The following ACP4 variants were observed in gnomAD, a reference collection of about 807,000 sequenced individuals.
ACP4 encodes the protein acid phosphatase 4.
In ACP4, 49 loss-of-function variants were observed where a neutral mutation model predicts 47.3. The ratio of observed to expected loss-of-function variants is 1.04; its 90% CI spans 0.82 to 1.32. The LOEUF (loss-of-function observed/expected upper bound fraction) is 1.32. Ranked by LOEUF, ACP4 falls within the 40% of genes most tolerant of loss-of-function variation. The pLI, the probability that ACP4 is intolerant of heterozygous loss-of-function variation, is 0.00. For missense variants in ACP4, 594 were observed against 579.3 expected (o/e 1.03, Z -0.26); for synonymous variants, 299 against 265.3 (o/e 1.13, Z -1.23).
intron 6 of ACP4, chr19:50,793,353 TAAA>T (rs577999300): frequency 4.3e-6 from 1 of 234,302 alleles, no homozygotes; most frequent in Non-Finnish European, 8.2e-6. Context: ...CTACTAAAAA[TAAA>T]AAAAAAAAAT....
intron 7 of ACP4, 30 bp from the exon 8 acceptor site, chr19:50,793,858 A>C: frequency 6.2e-7 from 1 of 1,614,114 alleles, no homozygotes. Flanking sequence ...TTCCTCTGGG[A>C]GAGTCTAAGC....
intron 3 of ACP4, 33 bp from the exon 4 acceptor site, chr19:50,791,623 C>T (rs769950126): frequency 1.9e-6 from 3 of 1,590,986 alleles, no homozygotes; most frequent in Admixed American, 1.7e-5. Flanking sequence ...CCAACCACGA[C>T]CCCCCGCGTG....
At position 50,790,488 on chromosome 19, in the gene ACP4, G is replaced by T; in HGVS notation, c.74G>T (p.Arg25Leu). The T allele has an allele frequency of 6.4e-7, 1 of 1,559,232 alleles. No homozygotes were observed. The change falls in exon 1 of 11, where the codon CGG (arginine) becomes CTG (leucine). Residue 25 changes from arginine to leucine, a missense_variant. By Grantham distance (102) the Arg-to-Leu change is moderately radical (BLOSUM62 -2). Transcript: ENST00000270593. ...LLLLLLVLPP[R>L]ALPEGPLVFV... is the part of the protein sequence containing the mutation. ...CTGCTGCTGCTGGTGCTGCCACCCC[G>T]GGCCCTGCCAGAAGGACCCCTGGTG...
chr19:50,791,936 C>T, intron 4 of ACP4, 134 bp downstream of exon 4: 2 of 1,445,328 alleles, frequency 1.4e-6, no homozygotes, highest in Non-Finnish European at 1.8e-6. Flanking sequence ...AGGGTGAGCC[C>T]CGGCCCACGC....
chr19:50,791,832 G>T, intron 4 of ACP4, 30 bp downstream of exon 4: 1 of 1,562,068 alleles, frequency 6.4e-7, no homozygotes, highest in East Asian at 2.3e-5. Context: ...GTGTGGCGAG[G>T]GAGGGAGCGG....
chr19:50,794,620 G>T lies in ACP4; in HGVS notation c.986+39G>T. 2.5e-6 allele frequency: 4 copies of T among 1,613,764 alleles called. No homozygotes were observed. In the East Asian group the frequency reaches 8.9e-5, roughly 36 times the overall value. On this transcript the variant is annotated intron_variant, in intron 9 of 10. Coordinates refer to ENST00000270593, the MANE Select transcript of ACP4 (RefSeq NM_033068.3). ...GGTGCCCAGGGACATGGGTGGGACA[G>T]AACTCTCAAAGCAAGGGGTGATGTG... is the stretch of plus-strand genomic sequence containing the variant.
chr19:50,790,789 C>T lies in ACP4; in HGVS notation c.232C>T (p.Gln78Ter). ...GQLTTEGVRQQLELGRFLRSR... is the reference protein window; with the variant it reads ...GQLTTEGVRQ ...CTGTCCCCAGGAGGGGGTCCGCCAG[C>T]AGCTGGAGCTGGGCCGCTTCCTGAG... is the stretch of plus-strand genomic sequence containing the variant. The change falls in exon 3 of 11, where the codon CAG (glutamine) becomes TAG (stop). Residue 78 changes from glutamine (Q) to a stop codon, truncating the protein, a stop_gained. Coordinates refer to ENST00000270593, the MANE Select transcript of ACP4 (RefSeq NM_033068.3). LOFTEE classifies it high-confidence loss of function. 6.5e-7 allele frequency: 1 copy of T among 1,548,278 alleles called. No homozygotes were observed. The highest frequency in any genetic ancestry group is 8.7e-7 in the Non-Finnish European group (1 of 1,146,680).
chr19:50,790,676 G>T lies in ACP4; in HGVS notation c.194G>T (p.Arg65Leu). The T allele has an allele frequency of 6.4e-7, 1 of 1,550,660 alleles. No homozygotes were observed. Among genetic ancestry groups the T allele is most frequent in the East Asian group, 2.4e-5 (1 of 41,366 alleles). Reference sequence around the variant, plus strand: ...GAGGTGGCCTCCACCCTGTGGCCACGAGGCCTGGGCCAGCTGACCACGGTG... The same window carrying T: ...GAGGTGGCCTCCACCCTGTGGCCACTAGGCCTGGGCCAGCTGACCACGGTG... The part of the protein sequence containing the change: ...HKEVASTLWP[R>L]GLGQLTTEGV... The change falls in exon 2 of 11, where the codon CGA becomes CTA. Residue 65 changes from arginine (R) to leucine (L), a missense_variant. By Grantham distance (102) the Arg-to-Leu change is moderately radical. Coordinates refer to ENST00000270593, the MANE Select transcript of ACP4 (RefSeq NM_033068.3).
Position 50,792,244 on chromosome 19 carries a change from C to T in ACP4, c.552C>T (p.Gly184=). Residue 184 remains glycine (G), a splice_region_variant and synonymous_variant, in exon 6 of 11, where the codon GGC becomes GGT. Coordinates refer to ENST00000270593, the MANE Select transcript of ACP4 (RefSeq NM_033068.3). Reference sequence around the variant, plus strand: ...CTCACCCAGCCCCGCGCATCCAGGGCTTCCTGAGTCGCCTGGAGAACTTCA... The same window carrying T: ...CTCACCCAGCCCCGCGCATCCAGGGTTTCCTGAGTCGCCTGGAGAACTTCA... ...EYQEALEGWT[G]FLSRLENFTG... is the part of the protein sequence containing the mutation. 1 of 1,613,164 alleles carries T rather than the reference C, an allele frequency of 6.2e-7. No homozygotes were observed. The highest frequency in any genetic ancestry group is 8.5e-7 in the Non-Finnish European group (1 of 1,179,966).
chr19:50,791,818 C>T lies in ACP4; in HGVS notation c.450+16C>T, dbSNP rs748926015. On this transcript the variant is annotated intron_variant, in intron 4 of 10. Transcript: ENST00000270593. ...TGAGGATAAGGTCAGGGGGCTGGACCCACGTGTGGCGAGGGAGGGAGCGGG... is the reference window on the plus strand; with the variant it reads ...TGAGGATAAGGTCAGGGGGCTGGACTCACGTGTGGCGAGGGAGGGAGCGGG... The T allele has an allele frequency of 2.5e-6, 4 of 1,575,998 alleles. No individual in the cohort carries two copies. Among genetic ancestry groups the T allele is most frequent in the Non-Finnish European group, 3.5e-6 (4 of 1,157,942 alleles).
At chr19:50,794,680 T>C (rs2089540614) in intron 9 of ACP4, 99 bp downstream of exon 9, 1 of 1,597,936 alleles carries the variant, frequency 6.3e-7, no homozygotes, top group Non-Finnish European at 8.5e-7. Flanking sequence ...GGGAGCTGCA[T>C]GGGATGATGC....
intron 6 of ACP4, chr19:50,793,475 A>T: frequency 1.5e-6 from 1 of 672,876 alleles, no homozygotes; most frequent in Non-Finnish European, 2.4e-6. Context: ...AGATTGCGCT[A>T]CTGCACTCCA....
Position 50,790,694 on chromosome 19 carries a change from C to T in ACP4, c.212C>T (p.Thr71Ile), listed in dbSNP as rs1599909599. 2 of 1,547,546 alleles carry T rather than the reference C, an allele frequency of 1.3e-6. No individual in the cohort carries two copies. Among genetic ancestry groups the T allele is most frequent in the Non-Finnish European group, 1.7e-6 (2 of 1,147,640 alleles). ...TGGCCACGAGGCCTGGGCCAGCTGA[C>T]CACGGTGAGAAGCGGGTAGGCGGTG... ...TLWPRGLGQLTTEGVRQQLEL... is the reference protein window; with the variant it reads ...TLWPRGLGQLITEGVRQQLEL... Residue 71 changes from threonine to isoleucine, a missense_variant, in exon 2 of 11, where the codon ACC becomes ATC. Coordinates refer to ENST00000270593, the MANE Select transcript of ACP4 (RefSeq NM_033068.3).
rs754088801 is a variant in ACP4 at position 50,794,537 on chromosome 19, C to CT, written c.945dup (p.Glu316Ter). On this transcript the variant is annotated frameshift_variant, in exon 9 of 11. Transcript: ENST00000270593. LOFTEE classifies it high-confidence loss of function. Reference sequence around the variant, plus strand: ...CCCCGCCATATGCTGCCTGCCTCGGCTTTGAGTTCCGGAAGCACCTGGGGA... The same window carrying CT: ...CCCCGCCATATGCTGCCTGCCTCGGCTTTTGAGTTCCGGAAGCACCTGGGGA... 5.0e-6 allele frequency: 8 copies of CT among 1,613,930 alleles called. No individual in the cohort carries two copies. The highest frequency in any genetic ancestry group is 1.7e-5 in the Admixed American group (1 of 59,990).
chr19:50,790,740 G>T (rs772640634), intron 2 of ACP4, 34 bp from the exon 3 acceptor site: 3 of 1,537,436 alleles, frequency 2.0e-6, no homozygotes, highest in Non-Finnish European at 2.6e-6. Flanking sequence ...TGGGAGGGGT[G>T]GGGAGTGGTA....
chr19:50,793,395 A>T, intron 6 of ACP4: 1 of 405,564 alleles, frequency 2.5e-6, no homozygotes, highest in Non-Finnish European at 4.5e-6. Flanking sequence ...CACACTTGTA[A>T]TCACAGCTAC....
Position 50,794,864 on chromosome 19 carries a change from C to A in ACP4, c.1065C>A (p.Ala355=). The change falls in exon 10 of 11, where the codon GCC becomes GCA. Residue 355 remains alanine, a synonymous_variant. Coordinates refer to ENST00000270593, the MANE Select transcript of ACP4 (RefSeq NM_033068.3). Reference sequence around the variant, plus strand: ...CTCTCAGCCTCCCCGGGTGCCCGGCCCCCTGTCCACTAGGCCGCTTCTACC... The same window carrying A: ...CTCTCAGCCTCCCCGGGTGCCCGGCACCCTGTCCACTAGGCCGCTTCTACC... ...PLPLSLPGCP[A]PCPLGRFYQL... 1 of 1,613,818 alleles carries A rather than the reference C, an allele frequency of 6.2e-7. No homozygotes were observed. Among genetic ancestry groups the A allele is most frequent in the Non-Finnish European group, 8.5e-7 (1 of 1,179,964 alleles).
In ACP4 at chr19:50,792,343, C is replaced by T; in HGVS notation, c.645+6C>T. On this transcript the variant is annotated splice_donor_region_variant and intron_variant, in intron 6 of 10. Transcript: ENST00000270593. ...TGGACACCCTCATGTGCCAGGTGAGCCCTGCCCCTTCCCAGCCAAGGGTTT... is the reference window on the plus strand; with the variant it reads ...TGGACACCCTCATGTGCCAGGTGAGTCCTGCCCCTTCCCAGCCAAGGGTTT... 2 of 1,612,700 alleles carry T rather than the reference C, an allele frequency of 1.2e-6. No homozygotes were observed. The highest frequency in any genetic ancestry group is 2.2e-5 in the South Asian group (2 of 91,064).
Position 50,790,481 on chromosome 19 carries a change from C to T in ACP4, c.67C>T (p.Pro23Ser). The part of the protein sequence containing the change: ...PLLLLLLLVL[P>S]PRALPEGPLV... ...CCTGCTGCTGCTGCTGCTGGTGCTG[C>T]CACCCCGGGCCCTGCCAGAAGGACC... Residue 23 changes from proline (P) to serine (S), a missense_variant, in exon 1 of 11, where the codon CCA (proline) becomes TCA (serine). By Grantham distance (74) the Pro-to-Ser change is moderately conservative (BLOSUM62 -1). Coordinates refer to ENST00000270593, the MANE Select transcript of ACP4 (RefSeq NM_033068.3). The T allele has an allele frequency of 6.4e-7, 1 of 1,563,308 alleles. No homozygotes were observed. Among genetic ancestry groups the T allele is most frequent in the Non-Finnish European group, 8.6e-7 (1 of 1,156,954 alleles).
Sources: allele counts gnomAD v4.1 joint callset, GRCh38; gene constraint gnomAD v4.1.1; transcripts MANE v1.5; gene names NCBI Gene and HGNC (gene_info 2026-07-23, HGNC 2026-07-21).